The following ADGRF5 variants were observed in gnomAD, a reference collection of about 807,000 sequenced individuals.
ADGRF5 encodes adhesion G protein-coupled receptor F5.
Under a neutral mutation model 132.3 loss-of-function variants are expected in ADGRF5, and 75 were observed. That is an observed-to-expected ratio of 0.57 (90% CI 0.47 to 0.69). The LOEUF (loss-of-function observed/expected upper bound fraction) is 0.69, where lower values mean the gene tolerates loss of function less well. Ranked by LOEUF, ADGRF5 falls within the 30% of genes least tolerant of loss-of-function variation. The pLI is 0.00. For synonymous variants in ADGRF5, 629 were observed against 597.6 expected, an observed-to-expected ratio of 1.05 and a Z score of -0.77; for missense variants, 1,516 against 1,630.6, an observed-to-expected ratio of 0.93 and a Z score of 1.21.
intron 9 of ADGRF5, among the ~76,000 whole-genome samples, chr6:46,878,736 G>A (rs939800824): frequency 2.0e-5 from 3 of 152,300 alleles, no homozygotes; most frequent in East Asian, 3.9e-4. Flanking sequence ...TAATATTGCC[G>A]TAGTATTTAA....
At chr6:46,953,651 G>GTATATATATATATATATA (rs61302381) in intron 1 of ADGRF5, among the ~76,000 whole-genome samples, 7 of 42,196 alleles carry the variant, frequency 1.7e-4, no homozygotes, top group South Asian at 1.0e-3. Flanking sequence ...AGATATATGT[G>GTATATATATATATATATA]TATATATATA....
At chr6:46,917,995 G>T (rs781021030) in intron 1 of ADGRF5, among the ~76,000 whole-genome samples, 1 of 152,234 alleles carries the variant, frequency 6.6e-6, no homozygotes, top group Non-Finnish European at 1.5e-5. Context: ...TAAGAGAAAG[G>T]TTCTTTGCCT....
At chr6:46,938,830 C>T (rs1014292978) in intron 1 of ADGRF5, among the ~76,000 whole-genome samples, 2 of 151,948 alleles carry the variant, frequency 1.3e-5, no homozygotes, top group African/African-American at 4.8e-5. Context: ...CTTCACAAAG[C>T]CTCTCCCCAA....
chr6:46,880,863 G>A (rs1772380119), intron 8 of ADGRF5, among the ~76,000 whole-genome samples: 1 of 152,110 alleles, frequency 6.6e-6, no homozygotes, highest in South Asian at 2.1e-4. Flanking sequence ...GGCTAAGGTG[G>A]GAGGTTTGCT....
Position 46,893,165 on chromosome 6 carries a change from C to T in ADGRF5, c.158-4660G>A, listed in dbSNP as rs185506733. Among the ~76,000 whole-genome samples, 668 of 142,782 alleles carry T rather than the reference C, an allele frequency of 4.7e-3. 5 individuals are homozygous for T. Among genetic ancestry groups the T allele is most frequent in the Non-Finnish European group, 7.5e-3 (501 of 66,694 alleles). The allele number at this position is 142,782 out of a possible 152,430, so 93.7% of individuals were successfully genotyped here. A position where few individuals can be genotyped will look rare whatever the true frequency, so the allele number is the denominator to read the frequency against. On this transcript the variant is annotated intron_variant, in intron 3 of 20. Transcript: ENST00000283296. ...ATGAAGTAAGGGATGAACCAGGAAG[C>T]TCTCTGGATAATGTCACTCTAGGAA... is the stretch of plus-strand genomic sequence containing the variant.
chr6:46,897,076 G>GTA (rs2150874234), intron 3 of ADGRF5, among the ~76,000 whole-genome samples: 1 of 149,678 alleles, frequency 6.7e-6, no homozygotes, highest in Non-Finnish European at 1.5e-5. Context: ...AAGGACAACA[G>GTA]TATACACACA....
At chr6:46,896,660 A>G (rs186475894) in intron 3 of ADGRF5, among the ~76,000 whole-genome samples, 71 of 150,594 alleles carry the variant, frequency 4.7e-4, no homozygotes, top group African/African-American at 1.6e-3. Context: ...TGTGAGATAT[A>G]TGTGTGTGTG....
chr6:46,857,427 G>C (rs949159809), intron 17 of ADGRF5, among the ~76,000 whole-genome samples: 1 of 152,016 alleles, frequency 6.6e-6, no homozygotes, highest in African/African-American at 2.4e-5. Context: ...TCAATCCTTG[G>C]GCAAGTTTTT....
At chr6:46,882,244 G>A in intron 6 of ADGRF5, 137 bp from the exon 7 acceptor site, 1 of 726,942 alleles carries the variant, frequency 1.4e-6, no homozygotes, top group South Asian at 1.5e-5. Flanking sequence ...GTTAACTGTG[G>A]GCATTAGATT....
At chr6:46,881,382 G>T in intron 8 of ADGRF5, 73 bp downstream of exon 8, 1 of 1,319,578 alleles carries the variant, frequency 7.6e-7, no homozygotes, top group Non-Finnish European at 1.1e-6. Context: ...AGAGGACATT[G>T]TAGCATAAAC....
intron 20 of ADGRF5, chr6:46,854,804 C>A (rs367875274): frequency 7.9e-7 from 1 of 1,272,144 alleles, no homozygotes; most frequent in African/African-American, 1.5e-5. Flanking sequence ...ACCAAAGTTA[C>A]GGTGCTTATG....
rs1773298632 is a variant in ADGRF5, at chr6:46,888,583, T to G, written c.158-78A>C. 3.0e-6 allele frequency: 3 copies of G among 983,966 alleles called. No homozygotes were observed. In the East Asian group the frequency reaches 7.2e-5, roughly 24 times the overall value. The allele number at this position is 983,966 out of a possible 1,614,324, so 61.0% of individuals were successfully genotyped here. A position where few individuals can be genotyped will look rare whatever the true frequency, so the allele number is the denominator to read the frequency against. ...AGATCATGATGGATATTTCAGCAGTTAAAGGTAATGACAGGTACATGTGAA... is the reference window on the plus strand; with the variant it reads ...AGATCATGATGGATATTTCAGCAGTGAAAGGTAATGACAGGTACATGTGAA... On this transcript the variant is annotated intron_variant, in intron 3 of 20. Transcript: ENST00000283296.
At position 46,863,710 on chromosome 6, in the gene ADGRF5, C is replaced by T. The variant is rs116005088; in HGVS notation, c.1991-614G>A. Among the ~76,000 whole-genome samples the T allele has an allele frequency of 6.3e-3, 967 of 152,318 alleles. 9 individuals are homozygous for T. The highest frequency in any genetic ancestry group is 0.011 in the Non-Finnish European group (737 of 68,034). ...GTGGACCCTGACTCTGATGAGACCC[C>T]TCCCTCACCAACACTTTTCTTTAAC... On this transcript the variant is annotated intron_variant, in intron 14 of 20. Coordinates refer to ENST00000283296, the MANE Select transcript of ADGRF5 (RefSeq NM_001098518.2).
upstream of ADGRF5, among the ~76,000 whole-genome samples, chr6:46,926,544 G>A (rs1014472848): frequency 6.6e-6 from 1 of 152,026 alleles, no homozygotes; most frequent in African/African-American, 2.4e-5. Context: ...CTTCTTTCTT[G>A]ACCCTTATTG....
chr6:46,926,896 C>A (rs1467451408), upstream of ADGRF5, among the ~76,000 whole-genome samples: 1 of 152,126 alleles, frequency 6.6e-6, no homozygotes, highest in Non-Finnish European at 1.5e-5. Flanking sequence ...GTCATTTTGT[C>A]CATGAACACT....
Position 46,854,051 on chromosome 6 carries a change from G to A in ADGRF5, c.3982C>T (p.Pro1328Ser), listed in dbSNP as rs531431396. ...GKTGTYNVSTPEATSSSLENS... is the reference protein window; with the variant it reads ...GKTGTYNVSTSEATSSSLENS... ...TCCAGGGATGAGCTGGTTGCTTCTG[G>A]GGTGGAAACATTATACGTTCCTGAA... Residue 1328 changes from proline to serine, a missense_variant, in exon 21 of 21, where the codon CCA becomes TCA. Physicochemically the swap from Pro to Ser is moderately conservative, Grantham distance 74. This residue lies in a region of ADGRF5 where 571 missense variants were observed against 701.2 expected (regional missense o/e 0.81). Coordinates refer to ENST00000283296, the MANE Select transcript of ADGRF5 (RefSeq NM_001098518.2). 2.5e-5 allele frequency: 40 copies of A among 1,603,100 alleles called. No individual in the cohort carries two copies. The highest frequency in any genetic ancestry group is 6.7e-5 in the South Asian group (6 of 89,538).
chr6:46,855,108 A>G (rs1351785754), intron 20 of ADGRF5, among the ~76,000 whole-genome samples: 3 of 152,220 alleles, frequency 2.0e-5, no homozygotes, highest in Non-Finnish European at 2.9e-5. Context: ...TCAATTTGCT[A>G]GAATAGCTGA....
intron 13 of ADGRF5, among the ~76,000 whole-genome samples, chr6:46,866,483 A>G (rs1327983796): frequency 1.3e-5 from 2 of 152,186 alleles, no homozygotes; most frequent in African/African-American, 4.8e-5. Context: ...AAGCTCCAGC[A>G]TTAGTTAAAG....
In ADGRF5 at chr6:46,862,907, C is replaced by G; in HGVS notation, c.2180G>C (p.Ser727Thr). The G allele has an allele frequency of 6.2e-7, 1 of 1,611,450 alleles. No homozygotes were observed. The highest frequency in any genetic ancestry group is 8.5e-7 in the Non-Finnish European group (1 of 1,178,312). Reference protein sequence around the residue: ...RNDCISAPINSLLQMAKALIK... With the variant: ...RNDCISAPINTLLQMAKALIK... ...GATCACCTTAGCCATCTGGAGCAGA[C>G]TGTTTATTGGGGCAGAGATGCAGTC... Residue 727 changes from serine (S) to threonine (T), a missense_variant, in exon 15 of 21, where the codon AGT (serine) becomes ACT (threonine). By Grantham distance (58) the Ser-to-Thr change is moderately conservative. Around this residue, in one of 2 missense-constraint regions of ADGRF5, gnomAD observed 945 missense variants for 929.4 expected, o/e 1.02. Transcript: ENST00000283296.
Sources: gnomAD v4.1 joint callset for allele counts (sites outside exome capture counted in the v4.1 genomes callset) on GRCh38, gnomAD v4.1.1 for gene constraint, gnomAD v4.1.1 regional missense constraint, MANE v1.5 for transcripts, NCBI Gene and HGNC (gene_info 2026-07-23, HGNC 2026-07-21) for gene names.